Variants in AGMAT observed in about 807,000 individuals in gnomAD.
The protein encoded by AGMAT is agmatinase (putative).
Under a neutral mutation model 29.3 loss-of-function variants are expected in AGMAT, and 37 were observed. The ratio of observed to expected loss-of-function variants is 1.26; its 90% confidence interval spans 0.97 to 1.66. AGMAT has a LOEUF of 1.66. Among genes scored for constraint, AGMAT ranks in the 40% most tolerant of loss-of-function variants. AGMAT has a pLI of 0.00. For synonymous variants in AGMAT, 199 were observed against 200.8 expected (o/e 0.99, Z 0.08); for missense variants, 498 against 497.8 (o/e 1.00, Z 0.00).
chr1:15,584,203 C>G (rs190936655), intron 1 of AGMAT, among the ~76,000 whole-genome samples: 66 of 152,314 alleles, frequency 4.3e-4, no homozygotes, highest in African/African-American at 1.5e-3. Context: ...AGCGCAGTGG[C>G]GCAATCTCAG....
intron 4 of AGMAT, 70 bp downstream of exon 4, chr1:15,578,789 C>A: frequency 6.6e-7 from 1 of 1,518,470 alleles, no homozygotes. Flanking sequence ...CAATCCCTGG[C>A]TGCCACTGGT....
At chr1:15,583,524 G>A in intron 1 of AGMAT, 129 bp from the exon 2 acceptor site, 1 of 912,266 alleles carries the variant, frequency 1.1e-6, no homozygotes, top group South Asian at 1.6e-5. Context: ...ATAATGGAAT[G>A]CTTAGCAGCA....
At chr1:15,582,161 C>T (rs1345975528) in intron 2 of AGMAT, among the ~76,000 whole-genome samples, 1 of 94,406 alleles carries the variant, frequency 1.1e-5, no homozygotes, top group Non-Finnish European at 2.1e-5. Context: ...CCCAGCTATT[C>T]AGGAGGCTGA....
intron 2 of AGMAT, among the ~76,000 whole-genome samples, chr1:15,581,369 G>A (rs1168457851): frequency 1.3e-5 from 2 of 151,874 alleles, no homozygotes; most frequent in Non-Finnish European, 1.5e-5. Flanking sequence ...AAATAAAAGA[G>A]GAAATTAGAC....
chr1:15,577,642 A>T, intron 5 of AGMAT, 43 bp downstream of exon 5: 1 of 1,564,552 alleles, frequency 6.4e-7, no homozygotes, highest in East Asian at 2.3e-5. Context: ...ATGGGTGTTA[A>T]GTGTCTCCAC....
intron 6 of AGMAT, 125 bp from the exon 7 acceptor site, chr1:15,573,849 T>C: frequency 1.3e-6 from 1 of 743,520 alleles, no homozygotes; most frequent in Non-Finnish European, 2.3e-6. Flanking sequence ...TGCACCCCTC[T>C]AGGGTGCCCG....
chr1:15,574,624 C>T, intron 6 of AGMAT, 133 bp downstream of exon 6: 1 of 711,686 alleles, frequency 1.4e-6, no homozygotes, highest in Non-Finnish European at 2.4e-6. Flanking sequence ...GTGAGCTGCC[C>T]ACCTTGGCCT....
chr1:15,581,994 C>T (rs1308162106), intron 2 of AGMAT, among the ~76,000 whole-genome samples: 2 of 151,964 alleles, frequency 1.3e-5, no homozygotes, highest in Admixed American at 6.6e-5. Context: ...ATAGGTCGGG[C>T]GCAATGGCTC....
chr1:15,576,389 G>A (rs1032311489), intron 5 of AGMAT, among the ~76,000 whole-genome samples: 1 of 151,468 alleles, frequency 6.6e-6, no homozygotes, highest in Admixed American at 6.6e-5. Context: ...ACAGGTGTGA[G>A]CCACTGCGCC....
Position 15,571,839 on chromosome 1 carries a change from A to G in AGMAT, c.*1812T>C, listed in dbSNP as rs1638953652. 1.3e-5 allele frequency: 2 copies of G among 152,248 alleles called. No homozygotes were observed. Among genetic ancestry groups the G allele is most frequent in the South Asian group, 4.1e-4 (2 of 4,836 alleles). 9.4% of individuals were successfully genotyped at this position (152,248 alleles called of 1,614,324 possible). A position where few individuals can be genotyped will look rare whatever the true frequency, so the allele number is the denominator to read the frequency against. On this transcript the variant is annotated 3_prime_UTR_variant, in exon 7 of 7. Transcript: ENST00000375826. ...AAGACACGCTTAAGATCACCACAGCATAACTGCAGATTTCAGGAATTACAG... is the reference window on the plus strand; with the variant it reads ...AAGACACGCTTAAGATCACCACAGCGTAACTGCAGATTTCAGGAATTACAG...
At position 15,573,588 on chromosome 1, in the gene AGMAT, T is replaced by A. The variant is rs540255778; in HGVS notation, c.*63A>T. The A allele has an allele frequency of 5.4e-6, 8 of 1,488,232 alleles. No individual in the cohort carries two copies. Among genetic ancestry groups the A allele is most frequent in the Non-Finnish European group, 7.5e-6 (8 of 1,066,354 alleles). 92.2% of individuals were successfully genotyped at this position (1,488,232 alleles called of 1,614,324 possible). ...ACTCTTTAGTTCTCAGACTGCTTAC[T>A]CATAAGTTCTTCTTGAGAACTTGTC... On this transcript the variant is annotated 3_prime_UTR_variant, in exon 7 of 7. Coordinates refer to ENST00000375826, the MANE Select transcript of AGMAT (RefSeq NM_024758.5).
In AGMAT at chr1:15,577,735, A is replaced by G; in HGVS notation, c.850T>C (p.Tyr284His). ...SFDIDALDPA[Y>H]APGTGTPEIA... ...TCAGGTGTCCCTGTCCCTGGCGCATAGGCAGGATCCAGAGCGTCAATATCA... is the reference window on the plus strand; with the variant it reads ...TCAGGTGTCCCTGTCCCTGGCGCATGGGCAGGATCCAGAGCGTCAATATCA... Residue 284 changes from tyrosine (Y) to histidine (H), a missense_variant, in exon 5 of 7, where the codon TAT (tyrosine) becomes CAT (histidine). Transcript: ENST00000375826. 6.2e-7 allele frequency: 1 copy of G among 1,614,126 alleles called. No homozygotes were observed. Among genetic ancestry groups the G allele is most frequent in the Non-Finnish European group, 8.5e-7 (1 of 1,179,950 alleles).
rs1021504821 is a variant in AGMAT at position 15,585,046 on chromosome 1, G to A, written c.-79C>T. The A allele has an allele frequency of 8.0e-7, 1 of 1,255,816 alleles. No individual in the cohort carries two copies. The highest frequency in any genetic ancestry group is 1.0e-6 in the Non-Finnish European group (1 of 1,000,602). 77.8% of individuals were successfully genotyped at this position (1,255,816 alleles called of 1,614,324 possible). On this transcript the variant is annotated 5_prime_UTR_variant, in exon 1 of 7. Transcript: ENST00000375826. ...TCTGGCTGGTCCCGAACGGCGAGGC[G>A]AGTGTGCACGCGCCAGAGCCGGAAC...
chr1:15,576,737 G>GTTTTTTTTTTTTT (rs1420717123), intron 5 of AGMAT, among the ~76,000 whole-genome samples: 10 of 31,598 alleles, frequency 3.2e-4, no homozygotes, highest in East Asian at 5.1e-3. Flanking sequence ...CAAGTTTAGT[G>GTTTTTTTTTTTTT]TTCTTTTTTT....
Position 15,574,845 on chromosome 1 carries a change from T to C in AGMAT, c.901-4A>G, listed in dbSNP as rs753863592. The C allele has an allele frequency of 9.3e-6, 15 of 1,612,822 alleles. No homozygotes were observed. Among genetic ancestry groups the C allele is most frequent in the Non-Finnish European group, 1.3e-5 (15 of 1,179,010 alleles). On this transcript the variant is annotated splice_polypyrimidine_tract_variant and splice_region_variant and intron_variant, in intron 5 of 6. Transcript: ENST00000375826. ...AACCCCTGATGATCTCCAGAGCCTA[T>C]TCAAGATCAAGACTGAGTTGTCCAC...
At chr1:15,576,466 G>C (rs1321674428) in intron 5 of AGMAT, among the ~76,000 whole-genome samples, 1 of 150,400 alleles carries the variant, frequency 6.6e-6, no homozygotes, top group African/African-American at 2.4e-5. Context: ...GTCTTGCTCT[G>C]TTGCCCAGGC....
Position 15,573,448 on chromosome 1 carries a change from T to TC in AGMAT, c.*202dup, listed in dbSNP as rs1553149999. On this transcript the variant is annotated 3_prime_UTR_variant, in exon 7 of 7. Coordinates refer to ENST00000375826, the MANE Select transcript of AGMAT (RefSeq NM_024758.5). ...AGCAGTACAAGTACTCCTTTTTTTT[T>TC]CCCCCAATTAATCCAAGTTCCTTAG... The TC allele has an allele frequency of 1.5e-5, 8 of 528,322 alleles. No individual in the cohort carries two copies. Among genetic ancestry groups the TC allele is most frequent in the East Asian group, 6.2e-5 (2 of 32,402 alleles). 32.7% of individuals were successfully genotyped at this position (528,322 alleles called of 1,614,324 possible).
rs41270261 is a variant in AGMAT, at chr1:15,579,006, G to C, written c.573C>G (p.Thr191=). 1.2e-5 allele frequency: 20 copies of C among 1,613,948 alleles called. No individual in the cohort carries two copies. The African/African-American group carries it at 2.4e-4, about 19-fold the overall frequency. Residue 191 remains threonine (T), a synonymous_variant, in exon 4 of 7, where the codon ACC becomes ACG. Coordinates refer to ENST00000375826, the MANE Select transcript of AGMAT (RefSeq NM_024758.5). The part of the protein sequence containing the change: ...LLHVDAHTDT[T]DKALGEKLYH... ...AGAGCTTCTCTCCTAGGGCCTTGTC[G>C]GTCGTGTCCGTGTGCGCATCCACGT...
In AGMAT at chr1:15,573,510, C is replaced by T. The variant is rs1297420848; in HGVS notation, c.*141G>A. ...TTTGGGTGAGAATTCTACTGATTAT[C>T]CCGACTTCACAGCCAGCAATGACAC... is the stretch of plus-strand genomic sequence containing the variant. On this transcript the variant is annotated 3_prime_UTR_variant, in exon 7 of 7. Coordinates refer to ENST00000375826, the MANE Select transcript of AGMAT (RefSeq NM_024758.5). 2.9e-6 allele frequency: 2 copies of T among 684,630 alleles called. No individual in the cohort carries two copies. Among genetic ancestry groups the T allele is most frequent in the Non-Finnish European group, 2.5e-6 (1 of 394,828 alleles). 42.4% of individuals were successfully genotyped at this position (684,630 alleles called of 1,614,324 possible).
Sources: gnomAD v4.1 joint callset for allele counts (sites outside exome capture counted in the v4.1 genomes callset) on GRCh38, gnomAD v4.1.1 for gene constraint, MANE v1.5 for transcripts, NCBI Gene and HGNC (gene_info 2026-07-23, HGNC 2026-07-21) for gene names.